Variants in WDR49 observed in about 807,000 individuals in gnomAD.
WDR49 encodes cilia- and flagella-associated protein 337.
A neutral mutation model predicts 119.5 loss-of-function variants in WDR49; 107 were observed. The observed-to-expected ratio is 0.90, with a 90% CI of 0.77 to 1.05. The LOEUF (loss-of-function observed/expected upper bound fraction) is 1.05, where lower values mean the gene tolerates loss of function less well. Among genes scored for constraint, WDR49 ranks in the 50% least tolerant of loss-of-function variants. The pLI is 0.00. For missense variants in WDR49, 1,240 were observed against 1,220.5 expected (o/e 1.02, Z -0.24); for synonymous variants, 425 against 418.8 (o/e 1.01, Z -0.18).
rs182691155 is a variant in WDR49, at chr3:167,590,052, T to C, written c.1275+12075A>G. Among the ~76,000 whole-genome samples the C allele has an allele frequency of 2.3e-3, 354 of 152,240 alleles. 1 individual carries two copies. Among genetic ancestry groups the C allele is most frequent in the African/African-American group, 7.9e-3 (329 of 41,568 alleles). On this transcript the variant is annotated intron_variant, in intron 7 of 18. Transcript: ENST00000682715. ...GCTGTTGGTCTTTTATATATGGCTTTTATTATATTGAGTTATGTTTCTTCT... is the reference window on the plus strand; with the variant it reads ...GCTGTTGGTCTTTTATATATGGCTTCTATTATATTGAGTTATGTTTCTTCT...
intron 16 of WDR49, 132 bp downstream of exon 16, chr3:167,522,183 C>T (rs1039713907): frequency 6.3e-5 from 53 of 842,170 alleles, no homozygotes; most frequent in Non-Finnish European, 8.0e-5. Flanking sequence ...ACCTACCAAT[C>T]CCCCAAATTT....
intron 15 of WDR49, among the ~76,000 whole-genome samples, chr3:167,522,816 G>A (rs1577215568): frequency 6.6e-6 from 1 of 152,072 alleles, no homozygotes; most frequent in Admixed American, 6.6e-5. Flanking sequence ...ACAAAACAAA[G>A]CTTTTGTTAA....
intron 8 of WDR49, among the ~76,000 whole-genome samples, chr3:167,567,762 C>T (rs2108276657): frequency 6.6e-6 from 1 of 152,276 alleles, no homozygotes; most frequent in Admixed American, 6.5e-5. Context: ...GTCTTGAAAT[C>T]ATAAGATTCT....
intron 17 of WDR49, among the ~76,000 whole-genome samples, chr3:167,503,003 C>A (rs1007428636): frequency 1.3e-5 from 2 of 152,166 alleles, no homozygotes; most frequent in Non-Finnish European, 2.9e-5. Flanking sequence ...AGAAAAAAGG[C>A]CTTGAAGGCC....
rs185735048 is a variant in WDR49, at chr3:167,600,063, C to T, written c.1275+2064G>A. ...GCTAGGGCCTGGAAGGGGGGCACCT[C>T]ACAATTCTGACCAGGGACCTATCTT... On this transcript the variant is annotated intron_variant, in intron 7 of 18. Transcript: ENST00000682715. Among the ~76,000 whole-genome samples the T allele has an allele frequency of 4.6e-5, 7 of 152,206 alleles. No individual in the cohort carries two copies. The East Asian group carries it at 9.7e-4, about 21-fold the overall frequency.
chr3:167,555,428 T>C (rs891284199), intron 9 of WDR49, among the ~76,000 whole-genome samples: 1 of 152,198 alleles, frequency 6.6e-6, no homozygotes, highest in African/African-American at 2.4e-5. Context: ...AGTCAAGTGT[T>C]TCCCTGAGTT....
At chr3:167,588,789 AT>A (rs913750045) in intron 7 of WDR49, among the ~76,000 whole-genome samples, 9 of 151,746 alleles carry the variant, frequency 5.9e-5, no homozygotes, top group Non-Finnish European at 1.0e-4. Flanking sequence ...AGATTGTTAG[AT>A]TTTTTTTCCT....
At chr3:167,543,623 C>T (rs904408450) in intron 10 of WDR49, among the ~76,000 whole-genome samples, 1 of 151,830 alleles carries the variant, frequency 6.6e-6, no homozygotes, top group African/African-American at 2.4e-5. Context: ...GCAAAATCAG[C>T]ATAGAATGAA....
At chr3:167,570,039 T>A (rs749745778) in intron 8 of WDR49, among the ~76,000 whole-genome samples, 1 of 152,042 alleles carries the variant, frequency 6.6e-6, no homozygotes, top group African/African-American at 2.4e-5. Flanking sequence ...TAACTTCTTA[T>A]GTTTCCATCA....
intron 18 of WDR49, among the ~76,000 whole-genome samples, chr3:167,498,731 C>T (rs1751451686): frequency 6.6e-6 from 1 of 152,144 alleles, no homozygotes; most frequent in South Asian, 2.1e-4. Context: ...TTAATTTCTC[C>T]TCTGATAAAT....
chr3:167,499,587 A>G (rs980202887), intron 18 of WDR49, among the ~76,000 whole-genome samples: 3 of 152,206 alleles, frequency 2.0e-5, no homozygotes, highest in Admixed American at 2.0e-4. Flanking sequence ...AAGAACTCTG[A>G]AGACTATAAT....
At chr3:167,580,225 C>A (rs1338352983) in intron 7 of WDR49, among the ~76,000 whole-genome samples, 2 of 152,136 alleles carry the variant, frequency 1.3e-5, no homozygotes, top group African/African-American at 4.8e-5. Context: ...CCTAAACTCT[C>A]TCAACTAACG....
intron 2 of WDR49, among the ~76,000 whole-genome samples, chr3:167,630,565 C>A (rs1717326539): frequency 1.3e-5 from 2 of 152,012 alleles, no homozygotes; most frequent in Admixed American, 6.6e-5. Context: ...TTAGTGAAGC[C>A]AGTAAAATTA....
At chr3:167,563,122 T>A (rs1713368884) in intron 8 of WDR49, among the ~76,000 whole-genome samples, 1 of 152,018 alleles carries the variant, frequency 6.6e-6, no homozygotes, top group South Asian at 2.1e-4. Context: ...ATTGCAGCAC[T>A]TTGGAAGGCC....
chr3:167,499,698 A>C (rs1577199572), intron 18 of WDR49, among the ~76,000 whole-genome samples: 2 of 152,144 alleles, frequency 1.3e-5, no homozygotes, highest in Non-Finnish European at 2.9e-5. Flanking sequence ...TTCTCACCAC[A>C]CCAGCCTACC....
At chr3:167,580,281 T>C (rs1714466502) in intron 7 of WDR49, among the ~76,000 whole-genome samples, 1 of 152,188 alleles carries the variant, frequency 6.6e-6, no homozygotes, top group East Asian at 1.9e-4. Flanking sequence ...AATTTTGCTT[T>C]CTGCTGAGAA....
At chr3:167,646,816 T>A (rs902740165) in intron 2 of WDR49, among the ~76,000 whole-genome samples, 11 of 152,090 alleles carry the variant, frequency 7.2e-5, no homozygotes, top group African/African-American at 2.7e-4. Context: ...CACAGAGATG[T>A]CGGTGCCTAG....
intron 18 of WDR49, among the ~76,000 whole-genome samples, chr3:167,495,358 G>A (rs1751313801): frequency 6.6e-6 from 1 of 151,478 alleles, no homozygotes; most frequent in South Asian, 2.1e-4. Flanking sequence ...ATATAAATAT[G>A]TGTGTATATA....
chr3:167,575,888 G>A, intron 8 of WDR49, 30 bp downstream of exon 8: 1 of 1,604,540 alleles, frequency 6.2e-7, no homozygotes, highest in Non-Finnish European at 8.5e-7. Flanking sequence ...AGATATGTTA[G>A]GAGAGTGAAA....
Sources: gnomAD v4.1 joint callset for allele counts (sites outside exome capture counted in the v4.1 genomes callset) on GRCh38, gnomAD v4.1.1 for gene constraint, MANE v1.5 for transcripts, NCBI Gene and HGNC (gene_info 2026-07-23, HGNC 2026-07-21) for gene names.